The following KLF12 variants were observed in gnomAD, a reference collection of about 807,000 sequenced individuals.
KLF12 encodes KLF transcription factor 12.
KLF12 carries 9 observed loss-of-function variants against 37.8 expected under a neutral mutation model. That is an observed-to-expected ratio of 0.24 (90% CI 0.14 to 0.42). KLF12 has a LOEUF of 0.42. KLF12 is among the 10% of genes least tolerant of loss of function. KLF12 has a pLI of 1.00. For synonymous variants in KLF12, 208 were observed against 202.1 expected (o/e 1.03, Z -0.25); for missense variants, 411 against 516.0 (o/e 0.80, Z 1.97).
At chr13:73,934,954 T>G (rs1029579227) in intron 3 of KLF12, among the ~76,000 whole-genome samples, 2 of 42,070 alleles carry the variant, frequency 4.8e-5, no homozygotes, top group African/African-American at 5.8e-5. Flanking sequence ...GTTTTTATTA[T>G]TTATTTATTT....
At chr13:73,699,037 T>C (rs1566304268) in intron 7 of KLF12, among the ~76,000 whole-genome samples, 1 of 152,082 alleles carries the variant, frequency 6.6e-6, no homozygotes, top group Non-Finnish European at 1.5e-5. Context: ...AATTGATTTC[T>C]GGGCAACAGG....
intron 1 of KLF12, among the ~76,000 whole-genome samples, chr13:74,091,561 T>C (rs896537946): frequency 6.6e-6 from 1 of 152,228 alleles, no homozygotes; most frequent in African/African-American, 2.4e-5. Flanking sequence ...CACCACAGTT[T>C]CTTCATCCAT....
chr13:73,943,955 G>C, intron 3 of KLF12, 26 bp downstream of exon 3: 1 of 1,395,502 alleles, frequency 7.2e-7, no homozygotes, highest in African/African-American at 1.4e-5. Flanking sequence ...AAAAGGAGTG[G>C]GGCATTGCTG....
At chr13:73,774,301 C>CTAT (rs113672381) in intron 5 of KLF12, among the ~76,000 whole-genome samples, 255 of 134,600 alleles carry the variant, frequency 1.9e-3, no homozygotes, top group Middle Eastern at 0.016. Flanking sequence ...CACACACACA[C>CTAT]ATCTATATAT....
intron 2 of KLF12, among the ~76,000 whole-genome samples, chr13:73,960,867 C>A (rs962391996): frequency 3.3e-5 from 5 of 152,054 alleles, no homozygotes; most frequent in African/African-American, 1.2e-4. Flanking sequence ...GACAAATGGA[C>A]ACATTATACT....
chr13:73,687,448 A>T lies in KLF12; in HGVS notation c.*8042T>A, dbSNP rs73214981. 0.047 allele frequency: 7,199 copies of T among 152,408 alleles called. 261 individuals are homozygous for T. Among genetic ancestry groups the T allele is most frequent in the Non-Finnish European group, 0.075 (5,125 of 68,016 alleles). The allele number at this position is 152,408 out of a possible 1,614,324, so 9.4% of individuals were successfully genotyped here. A position where few individuals can be genotyped will look rare whatever the true frequency, so the allele number is the denominator to read the frequency against. The stretch of plus-strand genomic sequence containing the variant: ...ATAGGCACCAGTGCCCCAGTTCAAC[A>T]ATATCCATCCAATGTAATAAAGTTT... On this transcript the variant is annotated 3_prime_UTR_variant, in exon 8 of 8. Transcript: ENST00000377669.
At chr13:73,917,291 C>A (rs2139192866) in intron 3 of KLF12, among the ~76,000 whole-genome samples, 2 of 152,286 alleles carry the variant, frequency 1.3e-5, no homozygotes, top group African/African-American at 4.8e-5. Flanking sequence ...ATCTCAACAC[C>A]TTTCCTGGTA....
intron 4 of KLF12, among the ~76,000 whole-genome samples, chr13:73,828,702 C>T (rs1883981302): frequency 1.3e-5 from 2 of 152,182 alleles, no homozygotes; most frequent in African/African-American, 4.8e-5. Context: ...TTCCAAGTTT[C>T]CTATGCTTCC....
chr13:73,887,965 A>C (rs926073969), intron 3 of KLF12, among the ~76,000 whole-genome samples: 3 of 152,158 alleles, frequency 2.0e-5, no homozygotes, highest in Non-Finnish European at 4.4e-5. Flanking sequence ...AGAAACACTG[A>C]ATATTGATCA....
intron 2 of KLF12, among the ~76,000 whole-genome samples, chr13:73,971,353 G>C (rs941919188): frequency 1.3e-5 from 2 of 152,084 alleles, no homozygotes; most frequent in African/African-American, 4.8e-5. Flanking sequence ...CCAAACCCCA[G>C]ACAGAGCTCC....
intron 5 of KLF12, among the ~76,000 whole-genome samples, chr13:73,802,667 A>T (rs1882343637): frequency 6.6e-6 from 1 of 151,970 alleles, no homozygotes; most frequent in African/African-American, 2.4e-5. Flanking sequence ...TGCCATCTTT[A>T]TGTCCATGAG....
At chr13:74,160,385 T>C in the KLF12 span, among the ~76,000 whole-genome samples, 1 of 152,196 alleles carries the variant, frequency 6.6e-6, no homozygotes, top group Non-Finnish European at 1.5e-5. Context: ...AACTAGATAT[T>C]AATTGAAAAT....
intron 5 of KLF12, among the ~76,000 whole-genome samples, chr13:73,775,794 A>G (rs1314165866): frequency 2.6e-5 from 4 of 152,210 alleles, no homozygotes; most frequent in African/African-American, 9.6e-5. Context: ...CTCTGGCTGC[A>G]TTAATTTTGA....
the KLF12 span, among the ~76,000 whole-genome samples, chr13:74,265,970 G>C: frequency 6.6e-6 from 1 of 152,182 alleles, no homozygotes; most frequent in Non-Finnish European, 1.5e-5. Context: ...TCTCCAATTA[G>C]TTTGATGGGG....
At chr13:74,229,590 G>A in the KLF12 span, among the ~76,000 whole-genome samples, 670 of 152,282 alleles carry the variant, frequency 4.4e-3, 6 homozygotes, top group African/African-American at 0.016. Context: ...CTTAATTAAA[G>A]AAAACTATTC....
chr13:73,994,156 G>A (rs1892043513), intron 2 of KLF12, among the ~76,000 whole-genome samples: 1 of 152,188 alleles, frequency 6.6e-6, no homozygotes, highest in African/African-American at 2.4e-5. Context: ...GTAAGTAGCT[G>A]TGAAGGTAGG....
chr13:74,068,136 T>C (rs529113954), intron 1 of KLF12, among the ~76,000 whole-genome samples: 14 of 152,344 alleles, frequency 9.2e-5, no homozygotes, highest in African/African-American at 3.4e-4. Context: ...CTAAACTTGT[T>C]TATGCAGTAA....
the KLF12 span, among the ~76,000 whole-genome samples, chr13:74,159,227 C>G: frequency 6.6e-6 from 1 of 152,178 alleles, no homozygotes; most frequent in Non-Finnish European, 1.5e-5. Context: ...GGCAAACACA[C>G]AGGGGACACC....
intron 6 of KLF12, among the ~76,000 whole-genome samples, chr13:73,719,916 T>C (rs1022201864): frequency 8.5e-5 from 13 of 152,142 alleles, no homozygotes; most frequent in African/African-American, 3.1e-4. Context: ...ATATTTTCAA[T>C]GCTACACAAA....
Sources: allele counts gnomAD v4.1 joint callset (sites outside exome capture counted in the v4.1 genomes callset), GRCh38; gene constraint gnomAD v4.1.1; transcripts MANE v1.5; gene names NCBI Gene and HGNC (gene_info 2026-07-23, HGNC 2026-07-21).